MYH10: variants seen among roughly 807,000 people sequenced by gnomAD.
The protein encoded by MYH10 is myosin heavy chain 10, also known as myosin-10.
Under a neutral mutation model 257.8 loss-of-function variants are expected in MYH10, and 55 were observed. That is an observed-to-expected ratio of 0.21 (90% CI 0.17 to 0.27). The LOEUF is 0.27. Among genes scored for constraint, MYH10 ranks in the 10% least tolerant of loss-of-function variants. The pLI, the probability that MYH10 is intolerant of heterozygous loss-of-function variation, is 1.00. For missense variants in MYH10, 1,631 were observed against 2,500.6 expected (o/e 0.65, Z 7.42); for synonymous variants, 854 against 921.7 (o/e 0.93, Z 1.33).
In MYH10 at chr17:8,508,645, C is replaced by A; in HGVS notation, c.3123G>T (p.Glu1041Asp). 1 of 1,614,102 alleles carries A rather than the reference C, an allele frequency of 6.2e-7. No individual in the cohort carries two copies. The highest frequency in any genetic ancestry group is 8.5e-7 in the Non-Finnish European group (1 of 1,180,020). ...CCTCTTCAGCCAGCTGAGAGGAACA[C>A]TCAGCAATGCGATCTTCCATGAGTT... The part of the protein sequence containing the change: ...EKKLMEDRIA[E>D]CSSQLAEEEE... The change falls in exon 26 of 43, where the codon GAG becomes GAT. Residue 1041 changes from glutamate (E) to aspartate (D), a missense_variant. By Grantham distance (45) the Glu-to-Asp change is conservative. Around this residue, in one of 11 missense-constraint regions of MYH10, gnomAD observed 169 missense variants for 249.8 expected, o/e 0.68. Coordinates refer to ENST00000360416, the MANE Select transcript of MYH10 (RefSeq NM_001256012.3).
Position 8,490,360 on chromosome 17 carries a change from T to G in MYH10, c.4864A>C (p.Lys1622Gln), listed in dbSNP as rs1386009540. 5.6e-6 allele frequency: 9 copies of G among 1,613,886 alleles called. No individual in the cohort carries two copies. The highest frequency in any genetic ancestry group is 2.2e-5 in the South Asian group (2 of 91,078). Reference sequence around the variant, plus strand: ...CCTACCTGTTTGATCAGCAGCCGCTTCTTCTCTTCATTCTGCTCATCCCTG... The same window carrying G: ...CCTACCTGTTTGATCAGCAGCCGCTGCTTCTCTTCATTCTGCTCATCCCTG... The part of the protein sequence containing the change: ...QTRDEQNEEK[K>Q]RLLIKQVREL... The change falls in exon 35 of 43, where the codon AAG becomes CAG. Residue 1622 changes from lysine to glutamine, a missense_variant. By Grantham distance (53) the Lys-to-Gln change is moderately conservative. Coordinates refer to ENST00000360416, the MANE Select transcript of MYH10 (RefSeq NM_001256012.3). The surrounding 1 kb of genome is among the most constrained non-coding windows in gnomAD (Gnocchi z 4.1).
At chr17:8,629,835 G>A (rs1568006201) in intron 1 of MYH10, among the ~76,000 whole-genome samples, 1 of 151,130 alleles carries the variant, frequency 6.6e-6, no homozygotes, top group Non-Finnish European at 1.5e-5. Context: ...GTCCACCCCC[G>A]GCCTAGGCGC....
intron 26 of MYH10, among the ~76,000 whole-genome samples, chr17:8,508,075 C>T (rs1430932241): frequency 2.6e-5 from 4 of 152,114 alleles, no homozygotes; most frequent in South Asian, 2.1e-4. Context: ...TACAGGGTCT[C>T]GCTGTGTTAC....
chr17:8,518,804 G>C lies in MYH10; in HGVS notation c.2344-13C>G, dbSNP rs201910205. 6.2e-7 allele frequency: 1 copy of C among 1,606,018 alleles called. No individual in the cohort carries two copies. The highest frequency in any genetic ancestry group is 8.5e-7 in the Non-Finnish European group (1 of 1,177,748). ...CTAAAGCCCGGATCTAAGAGAGAAA[G>C]AGTTTATTTACTTTTTTTAACTACA... On this transcript the variant is annotated splice_polypyrimidine_tract_variant and intron_variant, in intron 20 of 42. Transcript: ENST00000360416.
chr17:8,630,068 G>C (rs2085851419), intron 1 of MYH10, among the ~76,000 whole-genome samples: 1 of 151,818 alleles, frequency 6.6e-6, no homozygotes, highest in African/African-American at 2.4e-5. Context: ...GCGGGGGACC[G>C]GTCGCGCCAG....
intron 14 of MYH10, among the ~76,000 whole-genome samples, chr17:8,538,531 A>C (rs764118611): frequency 1.1e-4 from 16 of 152,188 alleles, no homozygotes; most frequent in Admixed American, 4.6e-4. Context: ...TTTTAATCAG[A>C]TATTTCTATG....
chr17:8,549,043 G>A (rs1002043347), intron 9 of MYH10, among the ~76,000 whole-genome samples: 3 of 152,172 alleles, frequency 2.0e-5, no homozygotes, highest in African/African-American at 7.2e-5. Flanking sequence ...ATGGCAGTTT[G>A]TACAATATTC....
rs112005639 is a variant in MYH10 at position 8,594,227 on chromosome 17, A to T, written c.503-5119T>A. On this transcript the variant is annotated intron_variant, in intron 3 of 42. Coordinates refer to ENST00000360416, the MANE Select transcript of MYH10 (RefSeq NM_001256012.3). ...ATCCAATAAAAGACTTATATCTAGA[A>T]AGGACAAAGAACTCTCAAAATTGAA... 8.3e-3 allele frequency among the ~76,000 whole-genome samples: 1,262 copies of T among 152,346 alleles called. 23 individuals carry two copies. Among genetic ancestry groups the T allele is most frequent in the African/African-American group, 0.028 (1,179 of 41,578 alleles).
chr17:8,535,153 T>C lies in MYH10; in HGVS notation c.1894+234A>G, dbSNP rs888765356. Among the ~76,000 whole-genome samples, 4 of 152,176 alleles carry C rather than the reference T, an allele frequency of 2.6e-5. No homozygotes were observed. The highest frequency in any genetic ancestry group is 7.2e-5 in the African/African-American group (3 of 41,432). ...TCTTTGTGGCTCCGGGCCTAGAATG[T>C]TTCTGTACTCCTACAACATCTGACC... On this transcript the variant is annotated intron_variant, in intron 16 of 42. Transcript: ENST00000360416. This position sits in a 1 kb window ranked among gnomAD's most constrained non-coding sequence, Gnocchi z 4.3.
intron 40 of MYH10, among the ~76,000 whole-genome samples, chr17:8,479,743 A>G (rs1913352675): frequency 6.6e-6 from 1 of 152,228 alleles, no homozygotes; most frequent in African/African-American, 2.4e-5. Context: ...TTCTATGGGG[A>G]GAAGAAAGGC....
intron 7 of MYH10, chr17:8,560,468 C>T (rs2082952241): frequency 2.2e-6 from 1 of 454,274 alleles, no homozygotes; most frequent in South Asian, 1.8e-5. Context: ...TGCCTCTAGC[C>T]ATGGTCAACG....
chr17:8,557,317 C>A (rs1215319523), intron 7 of MYH10, among the ~76,000 whole-genome samples: 2 of 151,984 alleles, frequency 1.3e-5, no homozygotes, highest in Non-Finnish European at 2.9e-5. Flanking sequence ...AAAAAAAACC[C>A]AAACCAAGCT....
chr17:8,546,354 C>T (rs772770031), intron 12 of MYH10, among the ~76,000 whole-genome samples, 190 bp downstream of exon 12: 96 of 151,774 alleles, frequency 6.3e-4, no homozygotes, highest in Non-Finnish European at 1.1e-3. Flanking sequence ...CCACCGGCCC[C>T]GGCCCCTTTT....
intron 11 of MYH10, among the ~76,000 whole-genome samples, chr17:8,547,359 T>G (rs947866129): frequency 3.8e-4 from 58 of 152,202 alleles, no homozygotes; most frequent in African/African-American, 1.4e-3. Context: ...ATACGGAGGA[T>G]GGAGGCCCAA....
rs367610072 is a variant in MYH10 at position 8,617,827 on chromosome 17, C to T, written c.345+5075G>A. Among the ~76,000 whole-genome samples, 27 of 152,266 alleles carry T rather than the reference C, an allele frequency of 1.8e-4. 1 individual carries two copies. The South Asian group carries it at 5.6e-3, about 32-fold the overall frequency. ...AACTACTCAAACTTTTAAAATTTCACAGCCTTTTTGCACTCTTAGAAATTA... is the reference window on the plus strand; with the variant it reads ...AACTACTCAAACTTTTAAAATTTCATAGCCTTTTTGCACTCTTAGAAATTA... On this transcript the variant is annotated intron_variant, in intron 2 of 42. Transcript: ENST00000360416.
chr17:8,524,487 A>G (rs2081773173), intron 17 of MYH10, among the ~76,000 whole-genome samples: 1 of 131,572 alleles, frequency 7.6e-6, no homozygotes, highest in Non-Finnish European at 1.6e-5. Context: ...AAAAAAAAAA[A>G]AAAAAGGATA....
chr17:8,546,399 A>G (rs1201731782), intron 12 of MYH10, 145 bp downstream of exon 12: 3 of 88,954 alleles, frequency 3.4e-5, no homozygotes, highest in Admixed American at 5.2e-4. Flanking sequence ...AAATATACTT[A>G]AAAAAAAAAA....
intron 28 of MYH10, 75 bp from the exon 29 acceptor site, chr17:8,501,045 ACT>A (rs2151843968): frequency 6.9e-7 from 1 of 1,442,280 alleles, no homozygotes; most frequent in Admixed American, 2.2e-5. Context: ...TTGAAAAAGT[ACT>A]GTTTTTGTTT....
Position 8,521,308 on chromosome 17 carries a change from C to A in MYH10, c.1958-23G>T, listed in dbSNP as rs773348473. 24 of 1,609,058 alleles carry A rather than the reference C, an allele frequency of 1.5e-5. 1 individual carries two copies. The South Asian group carries it at 2.4e-4, about 16-fold the overall frequency. ...CCACTGGGGAGAAGAAAGGAGAAAACAAATATAAGCCAAACCTCACTCGTT... is the reference window on the plus strand; with the variant it reads ...CCACTGGGGAGAAGAAAGGAGAAAAAAAATATAAGCCAAACCTCACTCGTT... On this transcript the variant is annotated intron_variant, in intron 17 of 42. Transcript: ENST00000360416.
Sources: allele counts gnomAD v4.1 joint callset (sites outside exome capture counted in the v4.1 genomes callset), GRCh38; gene constraint gnomAD v4.1.1; regional missense constraint gnomAD v4.1.1; non-coding constraint Gnocchi (gnomAD v3.1); transcripts MANE v1.5; gene names NCBI Gene and HGNC (gene_info 2026-07-23, HGNC 2026-07-21).